Variants in ARHGAP15 observed in about 807,000 individuals in gnomAD.
The protein encoded by ARHGAP15 is Rho GTPase activating protein 15, also known as rho GTPase-activating protein 15.
Under a neutral mutation model 63.7 loss-of-function variants are expected in ARHGAP15, and 51 were observed. The ratio of observed to expected loss-of-function variants is 0.80; its 90% confidence interval spans 0.64 to 1.01. ARHGAP15 has a LOEUF of 1.01. Ranked by LOEUF, ARHGAP15 falls within the 50% of genes least tolerant of loss-of-function variation. ARHGAP15 has a pLI of 0.00. For synonymous variants in ARHGAP15, 191 were observed against 193.8 expected (o/e 0.99, Z 0.12); for missense variants, 560 against 564.6 (o/e 0.99, Z 0.08).
Position 143,238,714 on chromosome 2 carries a change from A to G in ARHGAP15, c.384+10046A>G, listed in dbSNP as rs559030866. 4.6e-5 allele frequency among the ~76,000 whole-genome samples: 7 copies of G among 152,306 alleles called. No homozygotes were observed. The East Asian group carries it at 1.2e-3, about 25-fold the overall frequency. Reference sequence around the variant, plus strand: ...CTGAGTACATACCCAAAGGAATATCAATCATTCTATTATAAAGACACATGC... The same window carrying G: ...CTGAGTACATACCCAAAGGAATATCGATCATTCTATTATAAAGACACATGC... On this transcript the variant is annotated intron_variant, in intron 5 of 13. Coordinates refer to ENST00000295095, the MANE Select transcript of ARHGAP15 (RefSeq NM_018460.4).
chr2:143,419,754 A>G (rs1688837807), intron 6 of ARHGAP15, among the ~76,000 whole-genome samples: 1 of 152,136 alleles, frequency 6.6e-6, no homozygotes, highest in Non-Finnish European at 1.5e-5. Context: ...TACTATGATT[A>G]GAAGTGTTTT....
chr2:143,564,141 CT>C (rs1293066027), intron 11 of ARHGAP15: 2 of 152,254 alleles, frequency 1.3e-5, no homozygotes, highest in Non-Finnish European at 2.9e-5. Context: ...GGCCAAAAGC[CT>C]TGTGGACCAT....
chr2:143,691,454 G>T (rs1484112334), intron 12 of ARHGAP15, among the ~76,000 whole-genome samples: 1 of 152,192 alleles, frequency 6.6e-6, no homozygotes, highest in Admixed American at 6.5e-5. Flanking sequence ...TAGCCAATGG[G>T]ATGGAACCAT....
chr2:143,509,380 C>G (rs1438431316), intron 9 of ARHGAP15, among the ~76,000 whole-genome samples: 2 of 151,316 alleles, frequency 1.3e-5, no homozygotes, highest in East Asian at 1.9e-4. Context: ...GGTTTACTTC[C>G]AGTGCATGTC....
intron 6 of ARHGAP15, among the ~76,000 whole-genome samples, chr2:143,370,935 C>G (rs1191604038): frequency 1.3e-5 from 2 of 152,158 alleles, no homozygotes; most frequent in East Asian, 3.9e-4. Flanking sequence ...TTAATCATGA[C>G]TTTTTTTCTC....
At chr2:143,503,809 GA>G (rs1472366778) in intron 9 of ARHGAP15, among the ~76,000 whole-genome samples, 1 of 152,210 alleles carries the variant, frequency 6.6e-6, no homozygotes, top group Non-Finnish European at 1.5e-5. Flanking sequence ...CTACAGGTAT[GA>G]TTGTTATTCC....
intron 10 of ARHGAP15, among the ~76,000 whole-genome samples, chr2:143,528,216 A>G (rs1694363936): frequency 1.3e-5 from 2 of 152,098 alleles, no homozygotes; most frequent in African/African-American, 4.8e-5. Context: ...AATGGTAACT[A>G]TGACTTGTAA....
chr2:143,243,310 G>A (rs763154063), intron 5 of ARHGAP15, among the ~76,000 whole-genome samples: 4 of 152,116 alleles, frequency 2.6e-5, no homozygotes, highest in South Asian at 2.1e-4. Flanking sequence ...GATAGACGAA[G>A]AGAATAATAA....
At chr2:143,332,356 A>G (rs1245740001) in intron 6 of ARHGAP15, among the ~76,000 whole-genome samples, 2 of 152,154 alleles carry the variant, frequency 1.3e-5, no homozygotes, top group East Asian at 1.9e-4. Flanking sequence ...TCATAATACT[A>G]GAAGTACAGA....
intron 8 of ARHGAP15, among the ~76,000 whole-genome samples, chr2:143,455,887 G>T (rs548865033): frequency 2.0e-5 from 3 of 151,868 alleles, no homozygotes; most frequent in Admixed American, 6.6e-5. Context: ...AATCCCAAAT[G>T]GTCTGGAGGC....
intron 9 of ARHGAP15, among the ~76,000 whole-genome samples, chr2:143,517,095 C>T (rs535648375): frequency 2.6e-5 from 4 of 152,162 alleles, no homozygotes; most frequent in South Asian, 2.1e-4. Context: ...ACTACAGGCA[C>T]GCGCCACCAT....
At chr2:143,216,562 C>T (rs1692765051) in intron 4 of ARHGAP15, 117 bp downstream of exon 4, 1 of 672,292 alleles carries the variant, frequency 1.5e-6, no homozygotes, top group African/African-American at 1.8e-5. Flanking sequence ...AGAACAGTCT[C>T]CTCTGCTACT....
At chr2:143,145,476 A>T (rs1689544510) in intron 1 of ARHGAP15, among the ~76,000 whole-genome samples, 1 of 152,052 alleles carries the variant, frequency 6.6e-6, no homozygotes, top group Non-Finnish European at 1.5e-5. Flanking sequence ...TAATTGAGCT[A>T]GACCTGAACA....
At chr2:143,413,966 T>TGC (rs1553476592) in intron 6 of ARHGAP15, among the ~76,000 whole-genome samples, 4,611 of 117,794 alleles carry the variant, frequency 0.039, 255 homozygotes, top group East Asian at 0.079. Flanking sequence ...TGTGTGTGTG[T>TGC]GCGCGCTCTC....
chr2:143,489,327 G>T (rs1164675293), intron 9 of ARHGAP15, among the ~76,000 whole-genome samples: 1 of 152,146 alleles, frequency 6.6e-6, no homozygotes, highest in Non-Finnish European at 1.5e-5. Context: ...TTATCTTAGA[G>T]CTCCATTAAA....
At chr2:143,638,507 G>T (rs1163790553) in intron 12 of ARHGAP15, among the ~76,000 whole-genome samples, 1 of 108,638 alleles carries the variant, frequency 9.2e-6, no homozygotes, top group Non-Finnish European at 1.8e-5. Flanking sequence ...GTGGTGGGGT[G>T]GGGGGAGGGG....
chr2:143,574,343 C>T (rs867658431), intron 11 of ARHGAP15, among the ~76,000 whole-genome samples: 2 of 152,062 alleles, frequency 1.3e-5, no homozygotes, highest in African/African-American at 2.4e-5. Context: ...GAGCCTAAAG[C>T]TACTTTGGAA....
intron 10 of ARHGAP15, among the ~76,000 whole-genome samples, chr2:143,549,222 C>T (rs1695459034): frequency 6.6e-6 from 1 of 152,082 alleles, no homozygotes; most frequent in South Asian, 2.1e-4. Flanking sequence ...ACAATGTAGG[C>T]CTCACATTCA....
chr2:143,336,226 GC>G (rs1453802007), intron 6 of ARHGAP15, among the ~76,000 whole-genome samples: 1 of 152,050 alleles, frequency 6.6e-6, no homozygotes, highest in East Asian at 1.9e-4. Context: ...CCAGCCTCCA[GC>G]TTGTAAATGT....
Sources: allele counts gnomAD v4.1 joint callset (sites outside exome capture counted in the v4.1 genomes callset), GRCh38; gene constraint gnomAD v4.1.1; transcripts MANE v1.5; gene names NCBI Gene and HGNC (gene_info 2026-07-23, HGNC 2026-07-21).